ERI3: variants seen among roughly 807,000 people sequenced by gnomAD.
The protein encoded by ERI3 is ERI1 exoribonuclease 3.
Under a neutral mutation model 44.4 loss-of-function variants are expected in ERI3, and 18 were observed. The ratio of observed to expected loss-of-function variants is 0.41; its 90% CI spans 0.28 to 0.60. ERI3 has a LOEUF of 0.60. Among genes scored for constraint, ERI3 ranks in the 20% least tolerant of loss-of-function variants. The pLI is 0.36. For missense variants in ERI3, 294 were observed against 435.5 expected, an observed-to-expected ratio of 0.68 and a Z score of 2.89; for synonymous variants, 183 against 164.8, an observed-to-expected ratio of 1.11 and a Z score of -0.84.
intron 7 of ERI3, chr1:44,283,895 T>C (rs1645338128): frequency 2.4e-6 from 1 of 421,396 alleles, no homozygotes; most frequent in African/African-American, 2.1e-5. Flanking sequence ...CCCACCTTCC[T>C]TGAATGCCCA....
At chr1:44,319,770 G>GA (rs1191407921) in intron 3 of ERI3, 26 bp from the exon 4 acceptor site, 2 of 1,505,240 alleles carry the variant, frequency 1.3e-6, no homozygotes, top group Admixed American at 1.7e-5. Flanking sequence ...TACAGAAAAG[G>GA]AAAAATAAGT....
chr1:44,243,960 C>T (rs1420088208), intron 8 of ERI3: 1 of 152,182 alleles, frequency 6.6e-6, no homozygotes, highest in Non-Finnish European at 1.5e-5. Context: ...GCTATGTGAC[C>T]TTAGGCAGTT....
At chr1:44,296,208 G>C (rs1645608344) in intron 6 of ERI3, among the ~76,000 whole-genome samples, 1 of 152,208 alleles carries the variant, frequency 6.6e-6, no homozygotes, top group South Asian at 2.1e-4. Context: ...CAATGGGGAG[G>C]AGAAGTCTCC....
At chr1:44,236,362 G>C (rs1572076227) in intron 8 of ERI3, among the ~76,000 whole-genome samples, 1 of 152,320 alleles carries the variant, frequency 6.6e-6, no homozygotes, top group Admixed American at 6.5e-5. Flanking sequence ...AGGGAGACAG[G>C]CATTAAACAA....
rs1005872040 is a variant in ERI3 at position 44,291,782 on chromosome 1, A to G, written c.759-6875T>C. On this transcript the variant is annotated intron_variant, in intron 6 of 8. Transcript: ENST00000372257. Reference sequence around the variant, plus strand: ...CAGCACTGATGGCACTGACAAGGCAAAACAGCAAGGAGGAGAGGAGCCTGG... The same window carrying G: ...CAGCACTGATGGCACTGACAAGGCAGAACAGCAAGGAGGAGAGGAGCCTGG... Among the ~76,000 whole-genome samples, 5 of 152,230 alleles carry G rather than the reference A, an allele frequency of 3.3e-5. No homozygotes were observed. In the South Asian group the frequency reaches 1.0e-3, roughly 32 times the overall value.
chr1:44,331,512 C>T (rs898536185), intron 3 of ERI3, among the ~76,000 whole-genome samples: 2 of 152,174 alleles, frequency 1.3e-5, no homozygotes, highest in African/African-American at 4.8e-5. Flanking sequence ...CTTTTACCCA[C>T]ACTTTATTGG....
chr1:44,225,790 G>C (rs1644024030), intron 8 of ERI3, among the ~76,000 whole-genome samples: 1 of 152,198 alleles, frequency 6.6e-6, no homozygotes, highest in Admixed American at 6.5e-5. Flanking sequence ...GCAGTGGACA[G>C]GAAGCAGGGC....
rs183342650 is a variant in ERI3, at chr1:44,296,138, C to G, written c.759-11231G>C. On this transcript the variant is annotated intron_variant, in intron 6 of 8. Transcript: ENST00000372257. The stretch of plus-strand genomic sequence containing the variant: ...AGCAATGAGCTCTCTTCTCCACCCC[C>G]CTCCACCGTGCCTCCCAGCAGTGCC... Among the ~76,000 whole-genome samples the G allele has an allele frequency of 2.2e-4, 33 of 152,310 alleles. 1 individual carries two copies. In the East Asian group the frequency reaches 3.7e-3, roughly 17 times the overall value.
intron 8 of ERI3, among the ~76,000 whole-genome samples, chr1:44,229,914 A>G (rs1356234317): frequency 4.6e-5 from 7 of 152,150 alleles, no homozygotes; most frequent in Non-Finnish European, 8.8e-5. Flanking sequence ...GGACCACAGG[A>G]CAAAGACCAC....
chr1:44,240,014 T>G (rs1644399256), intron 8 of ERI3, among the ~76,000 whole-genome samples: 1 of 152,176 alleles, frequency 6.6e-6, no homozygotes, highest in Non-Finnish European at 1.5e-5. Flanking sequence ...TCTCCAGCAC[T>G]CCCAGCTCCC....
At chr1:44,222,804 T>C (rs1016702640) in intron 8 of ERI3, among the ~76,000 whole-genome samples, 1 of 152,178 alleles carries the variant, frequency 6.6e-6, no homozygotes, top group Non-Finnish European at 1.5e-5. Flanking sequence ...CTTCATAGGA[T>C]CGATGCTGTG....
intron 7 of ERI3, among the ~76,000 whole-genome samples, chr1:44,281,601 A>AAAAAAAATATAT (rs1460400186): frequency 1.3e-4 from 17 of 128,038 alleles, no homozygotes; most frequent in East Asian, 2.1e-4. Context: ...AAAAAAAAAA[A>AAAAAAAATATAT]ATATATATAT....
chr1:44,268,269 A>AGGACTTCATG (rs16626), intron 7 of ERI3, among the ~76,000 whole-genome samples: 32 of 151,584 alleles, frequency 2.1e-4, no homozygotes, highest in African/African-American at 7.3e-4. Context: ...CCCAACCCAT[A>AGGACTTCATG]GGGTGACTGG....
At chr1:44,310,951 T>TCGCACGCGCGCGCG (rs1553195167) in intron 5 of ERI3, among the ~76,000 whole-genome samples, 2 of 95,026 alleles carry the variant, frequency 2.1e-5, no homozygotes, top group African/African-American at 4.2e-5. Context: ...TATGTGCACA[T>TCGCACGCGCGCGCG]CGCGCGCGCG....
rs374764715 is a variant in ERI3, at chr1:44,339,368, GAA to G, written c.212-48_212-47del. On this transcript the variant is annotated intron_variant, in intron 2 of 8. Coordinates refer to ENST00000372257, the MANE Select transcript of ERI3 (RefSeq NM_024066.3). ...AAAAAAAAAAAAAAAAGAAAAGAAA[GAA>G]AAAAAAAAAAAGAACAGAGAGCCTG... The G allele has an allele frequency of 8.1e-4, 688 of 848,778 alleles. 1 individual carries two copies. The highest frequency in any genetic ancestry group is 3.8e-3 in the African/African-American group (189 of 50,162). 52.6% of individuals were successfully genotyped at this position (848,778 alleles called of 1,614,324 possible).
At chr1:44,239,256 T>C (rs1057171069) in intron 8 of ERI3, among the ~76,000 whole-genome samples, 1 of 152,120 alleles carries the variant, frequency 6.6e-6, no homozygotes, top group African/African-American at 2.4e-5. Context: ...CCTGTGATGG[T>C]ATGTGTGGCT....
chr1:44,329,968 T>A (rs913959926), intron 3 of ERI3, among the ~76,000 whole-genome samples: 2 of 152,290 alleles, frequency 1.3e-5, no homozygotes, highest in Admixed American at 1.3e-4. Context: ...TTACAACATG[T>A]AACTTCTCCC....
At chr1:44,284,058 A>G (rs528448684) in intron 7 of ERI3, 7 of 471,040 alleles carry the variant, frequency 1.5e-5, no homozygotes, top group South Asian at 9.3e-5. Context: ...AGGCTGTTCC[A>G]GGACTGCTGC....
Position 44,308,341 on chromosome 1 carries a change from CA to C in ERI3, c.726del (p.Phe242LeufsTer9). ...TTTAAGTCCCAGTCTCCACAGGTGACAAAAATTGACTTGACGTTTGGATCTA... is the reference window on the plus strand; with the variant it reads ...TTTAAGTCCCAGTCTCCACAGGTGACAAAATTGACTTGACGTTTGGATCTA... ...GLLDPNVKSIFVTCGDWDLKV... is the reference protein window; with the variant it reads ...GLLDPNVKSIXVTCGDWDLKV... On this transcript the variant is annotated frameshift_variant, in exon 6 of 9. Coordinates refer to ENST00000372257, the MANE Select transcript of ERI3 (RefSeq NM_024066.3). LOFTEE classifies it high-confidence loss of function. The C allele has an allele frequency of 6.2e-7, 1 of 1,614,162 alleles. No homozygotes were observed. The highest frequency in any genetic ancestry group is 8.5e-7 in the Non-Finnish European group (1 of 1,179,988).
Sources: allele counts gnomAD v4.1 joint callset (sites outside exome capture counted in the v4.1 genomes callset), GRCh38; gene constraint gnomAD v4.1.1; transcripts MANE v1.5; gene names NCBI Gene and HGNC (gene_info 2026-07-23, HGNC 2026-07-21).